RSU1: variants seen among roughly 807,000 people sequenced by gnomAD.
RSU1 encodes the protein Ras suppressor protein 1.
In RSU1, 26 loss-of-function variants were observed where a neutral mutation model predicts 31.1. The ratio of observed to expected loss-of-function variants is 0.84; its 90% CI spans 0.61 to 1.16. The LOEUF is 1.16. RSU1 is among the 50% of genes most tolerant of loss of function. The pLI, the probability that RSU1 is intolerant of heterozygous loss-of-function variation, is 0.00. For missense variants in RSU1, 320 were observed against 339.1 expected (o/e 0.94, Z 0.44); for synonymous variants, 164 against 136.3 (o/e 1.20, Z -1.41).
At chr10:16,797,414 G>A (rs192831643) in intron 2 of RSU1, among the ~76,000 whole-genome samples, 1 of 152,354 alleles carries the variant, frequency 6.6e-6, no homozygotes, top group East Asian at 1.9e-4. Flanking sequence ...ACAGAGCTCT[G>A]TAAAGTTAGA....
chr10:16,605,140 C>G (rs542643544), intron 8 of RSU1, among the ~76,000 whole-genome samples: 2 of 152,262 alleles, frequency 1.3e-5, no homozygotes, highest in African/African-American at 4.8e-5. Context: ...CCCTCTTAGG[C>G]CTTGTGTTCC....
intron 8 of RSU1, among the ~76,000 whole-genome samples, chr10:16,658,292 T>C (rs1834827134): frequency 6.6e-6 from 1 of 152,216 alleles, no homozygotes; most frequent in Non-Finnish European, 1.5e-5. Flanking sequence ...CCTTGGAAAT[T>C]GGGATGAAGA....
chr10:16,811,792 T>C (rs546154370), intron 2 of RSU1, among the ~76,000 whole-genome samples: 91 of 152,364 alleles, frequency 6.0e-4, no homozygotes, highest in African/African-American at 2.1e-3. Flanking sequence ...TACATGCTCC[T>C]TCTCCAGAGC....
intron 8 of RSU1, among the ~76,000 whole-genome samples, chr10:16,594,734 C>T (rs1363469339): frequency 7.0e-6 from 1 of 143,482 alleles, no homozygotes; most frequent in Non-Finnish European, 1.5e-5. Context: ...GATAATATAT[C>T]ATATATATCA....
At chr10:16,700,380 C>G (rs1321307968) in intron 7 of RSU1, among the ~76,000 whole-genome samples, 1 of 152,112 alleles carries the variant, frequency 6.6e-6, no homozygotes, top group East Asian at 1.9e-4. Context: ...CCCATCATTA[C>G]TATACTAGAT....
chr10:16,806,778 A>G (rs1354086063), intron 2 of RSU1, among the ~76,000 whole-genome samples: 8 of 152,152 alleles, frequency 5.3e-5, no homozygotes, highest in Non-Finnish European at 8.8e-5. Context: ...ATTTTGAAAG[A>G]GTCTCACTCT....
At chr10:16,608,098 C>T (rs901219130) in intron 8 of RSU1, among the ~76,000 whole-genome samples, 8 of 151,940 alleles carry the variant, frequency 5.3e-5, no homozygotes, top group African/African-American at 7.3e-5. Context: ...CCCAAAGTGC[C>T]GGGATTACAG....
chr10:16,759,903 C>T (rs1475969092), intron 4 of RSU1, among the ~76,000 whole-genome samples: 1 of 144,994 alleles, frequency 6.9e-6, no homozygotes, highest in Non-Finnish European at 1.5e-5. Flanking sequence ...AGTGGCTTCC[C>T]ATCTCCACTT....
chr10:16,619,779 T>C (rs1020888761), intron 8 of RSU1, among the ~76,000 whole-genome samples: 26 of 152,194 alleles, frequency 1.7e-4, no homozygotes, highest in African/African-American at 6.0e-4. Flanking sequence ...AACTTACAAA[T>C]TTCATTTTCC....
chr10:16,689,877 G>C (rs1176364303), intron 8 of RSU1, among the ~76,000 whole-genome samples: 2 of 152,246 alleles, frequency 1.3e-5, no homozygotes. Context: ...TGCTGGAAAT[G>C]AGGCTTTAGG....
intron 7 of RSU1, among the ~76,000 whole-genome samples, chr10:16,739,865 C>T (rs930520526): frequency 3.3e-5 from 5 of 152,240 alleles, no homozygotes; most frequent in African/African-American, 1.2e-4. Context: ...CCCGCCTCAG[C>T]CTCTCAAAGT....
intron 7 of RSU1, among the ~76,000 whole-genome samples, chr10:16,751,168 G>A (rs1033559518): frequency 1.3e-5 from 2 of 152,128 alleles, no homozygotes; most frequent in Non-Finnish European, 2.9e-5. Context: ...TGCCCGGCCC[G>A]AGATCTCTCC....
chr10:16,718,419 C>T (rs1490677792), intron 7 of RSU1, among the ~76,000 whole-genome samples: 2 of 152,086 alleles, frequency 1.3e-5, no homozygotes, highest in African/African-American at 4.8e-5. Flanking sequence ...TTGTATTTAT[C>T]ATTTTATTTG....
chr10:16,809,057 G>A (rs1415898426), intron 2 of RSU1, among the ~76,000 whole-genome samples: 1 of 152,162 alleles, frequency 6.6e-6, no homozygotes, highest in Admixed American at 6.5e-5. Flanking sequence ...CCCAGCCTGC[G>A]GTGTTTTGTT....
At chr10:16,648,133 T>A (rs11254130) in intron 8 of RSU1, among the ~76,000 whole-genome samples, 36,515 of 110,160 alleles carry the variant, frequency 0.33, 4,694 homozygotes, top group South Asian at 0.42. Context: ...AAAAAAAAAA[T>A]TTTTTTTTTT....
intron 8 of RSU1, among the ~76,000 whole-genome samples, chr10:16,641,718 C>G (rs1834446031): frequency 6.6e-6 from 1 of 152,178 alleles, no homozygotes; most frequent in South Asian, 2.1e-4. Context: ...CTGGGTAATT[C>G]TTCAACTTCT....
chr10:16,660,203 C>T (rs1291924990), intron 8 of RSU1, among the ~76,000 whole-genome samples: 1 of 152,198 alleles, frequency 6.6e-6, no homozygotes, highest in Non-Finnish European at 1.5e-5. Context: ...TTTTAAAAGG[C>T]TTGGGCTTCC....
intron 7 of RSU1, among the ~76,000 whole-genome samples, chr10:16,720,773 G>A (rs983707849): frequency 3.9e-5 from 6 of 152,166 alleles, no homozygotes; most frequent in Non-Finnish European, 5.9e-5. Context: ...GGATTCATCT[G>A]TTAGGGCTGC....
intron 7 of RSU1, among the ~76,000 whole-genome samples, chr10:16,717,674 T>G (rs1836170254): frequency 6.6e-6 from 1 of 152,210 alleles, no homozygotes; most frequent in Admixed American, 6.5e-5. Context: ...TGTCTAGTAT[T>G]ACTCCACAGT....
Sources: gnomAD v4.1 joint callset for allele counts (sites outside exome capture counted in the v4.1 genomes callset) on GRCh38, gnomAD v4.1.1 for gene constraint, MANE v1.5 for transcripts, NCBI Gene and HGNC (gene_info 2026-07-23, HGNC 2026-07-21) for gene names.